Variants in PRKCE observed in about 807,000 individuals in gnomAD.
The protein encoded by PRKCE is protein kinase C epsilon type.
PRKCE carries 16 observed loss-of-function variants against 85.4 expected under a neutral mutation model. The ratio of observed to expected loss-of-function variants is 0.19; its 90% CI spans 0.13 to 0.28. The LOEUF (loss-of-function observed/expected upper bound fraction) is 0.28. Among genes scored for constraint, PRKCE ranks in the 10% least tolerant of loss-of-function variants. The probability of loss-of-function intolerance (pLI) is 1.00; values close to 1 mark genes in which losing one functional copy is unlikely to be tolerated. For missense variants in PRKCE, 573 were observed against 975.2 expected (o/e 0.59, Z 5.49); for synonymous variants, 388 against 371.5 (o/e 1.04, Z -0.51).
chr2:46,092,478 C>G (rs1274770569), intron 11 of PRKCE, among the ~76,000 whole-genome samples: 1 of 152,140 alleles, frequency 6.6e-6, no homozygotes, highest in Non-Finnish European at 1.5e-5. Flanking sequence ...CTTGGCCAAG[C>G]CTAGATTCTT....
At chr2:45,807,803 C>T (rs139697318) in intron 1 of PRKCE, among the ~76,000 whole-genome samples, 190 of 152,220 alleles carry the variant, frequency 1.2e-3, no homozygotes, top group Non-Finnish European at 2.0e-3. Flanking sequence ...CTCTGCTTTA[C>T]CAAGCCCTCC....
chr2:45,859,964 G>A (rs569523400), intron 2 of PRKCE, among the ~76,000 whole-genome samples: 5 of 152,122 alleles, frequency 3.3e-5, no homozygotes, highest in East Asian at 1.9e-4. Flanking sequence ...TCTTTCTATC[G>A]TCCTACTGCC....
intron 11 of PRKCE, among the ~76,000 whole-genome samples, chr2:46,118,425 T>C (rs1672983855): frequency 6.6e-6 from 1 of 152,142 alleles, no homozygotes; most frequent in Non-Finnish European, 1.5e-5. Flanking sequence ...AAAAAGAAAA[T>C]AGCTACTGGT....
chr2:45,836,333 T>G (rs1392667222), intron 1 of PRKCE, among the ~76,000 whole-genome samples: 2 of 152,218 alleles, frequency 1.3e-5, no homozygotes, highest in Non-Finnish European at 2.9e-5. Context: ...CTTGAACATA[T>G]TTGATTACAT....
chr2:45,678,395 A>G (rs1169031627), intron 1 of PRKCE, among the ~76,000 whole-genome samples: 1 of 152,226 alleles, frequency 6.6e-6, no homozygotes, highest in East Asian at 1.9e-4. Flanking sequence ...GGTTTAAAAA[A>G]TTTCTCCAAT....
rs1705610220 is a variant in PRKCE, at chr2:46,010,828, C to T, written c.1437+311C>T. 28 of 1,553,468 alleles carry T rather than the reference C, an allele frequency of 1.8e-5. No individual in the cohort carries two copies. The South Asian group carries it at 3.2e-4, about 17-fold the overall frequency. On this transcript the variant is annotated intron_variant, in intron 10 of 14. Coordinates refer to ENST00000306156, the MANE Select transcript of PRKCE (RefSeq NM_005400.3). ...CCAACAAGTGTGGTTAGTCCTTGCT[C>T]TGCTCCTAACTTTCTATCACTAATC...
intron 1 of PRKCE, among the ~76,000 whole-genome samples, chr2:45,818,679 G>T (rs969150323): frequency 1.3e-5 from 2 of 152,226 alleles, no homozygotes; most frequent in Non-Finnish European, 1.5e-5. Context: ...ACTCAAAGGA[G>T]CCTCTGGCTT....
chr2:45,761,202 C>T (rs985860220), intron 1 of PRKCE, among the ~76,000 whole-genome samples: 1 of 151,862 alleles, frequency 6.6e-6, no homozygotes, highest in East Asian at 1.9e-4. Flanking sequence ...TGGTGGGCGC[C>T]TGTGGTCTCA....
At chr2:46,072,916 T>C (rs1028618248) in intron 10 of PRKCE, among the ~76,000 whole-genome samples, 2 of 152,322 alleles carry the variant, frequency 1.3e-5, no homozygotes, top group South Asian at 2.1e-4. Flanking sequence ...CAAATGTTCA[T>C]GTTAGAAGGC....
intron 13 of PRKCE, among the ~76,000 whole-genome samples, chr2:46,152,310 T>C (rs1167315629): frequency 6.6e-6 from 1 of 151,646 alleles, no homozygotes; most frequent in African/African-American, 2.4e-5. Flanking sequence ...GCCTCCTGAG[T>C]AGCTGGGATT....
intron 9 of PRKCE, among the ~76,000 whole-genome samples, chr2:46,008,455 C>T (rs1286199141): frequency 6.6e-6 from 1 of 152,184 alleles, no homozygotes; most frequent in Non-Finnish European, 1.5e-5. Context: ...TGATTGTTCC[C>T]TGGTTCTGTT....
chr2:45,773,469 GA>G (rs1420685154), intron 1 of PRKCE, among the ~76,000 whole-genome samples: 1 of 152,206 alleles, frequency 6.6e-6, no homozygotes, highest in Non-Finnish European at 1.5e-5. Flanking sequence ...TGCAGACGAA[GA>G]AGCCAAAGCT....
chr2:46,069,246 C>T (rs1361523751), intron 10 of PRKCE, among the ~76,000 whole-genome samples: 1 of 152,154 alleles, frequency 6.6e-6, no homozygotes, highest in African/African-American at 2.4e-5. Context: ...TGTTGCTCAC[C>T]ACCTGGAAAG....
chr2:45,658,827 T>C (rs1675501577), intron 1 of PRKCE, among the ~76,000 whole-genome samples: 1 of 152,240 alleles, frequency 6.6e-6, no homozygotes, highest in Non-Finnish European at 1.5e-5. Context: ...TTACATACTC[T>C]AAAAATAAAT....
chr2:46,006,530 C>A (rs867499624), intron 8 of PRKCE, among the ~76,000 whole-genome samples: 1 of 152,234 alleles, frequency 6.6e-6, no homozygotes, highest in African/African-American at 2.4e-5. Context: ...TTCTGTCACT[C>A]ATGCCTAATT....
intron 10 of PRKCE, among the ~76,000 whole-genome samples, chr2:46,072,076 C>A (rs545604889): frequency 9.2e-5 from 14 of 152,192 alleles, no homozygotes; most frequent in African/African-American, 3.1e-4. Context: ...TTTATCTCAC[C>A]ACACTGCTCA....
At chr2:45,944,810 T>C (rs1700133050) in intron 2 of PRKCE, among the ~76,000 whole-genome samples, 1 of 151,904 alleles carries the variant, frequency 6.6e-6, no homozygotes, top group Non-Finnish European at 1.5e-5. Flanking sequence ...CAATCCTCAA[T>C]TTAAAAACAA....
chr2:46,131,947 T>A (rs1485310865), intron 11 of PRKCE, among the ~76,000 whole-genome samples: 1 of 152,202 alleles, frequency 6.6e-6, no homozygotes, highest in Non-Finnish European at 1.5e-5. Flanking sequence ...TGGAAAGTCT[T>A]TTCTCAAAAG....
At position 46,154,457 on chromosome 2, in the gene PRKCE, AC is replaced by A. The variant is rs1278411871; in HGVS notation, c.1920+3236del. 1.4e-3 allele frequency among the ~76,000 whole-genome samples: 91 copies of A among 67,274 alleles called. 1 individual carries two copies. The East Asian group carries it at 0.032, about 23-fold the overall frequency. The allele number at this position is 67,274 out of a possible 152,430, so 44.1% of individuals were successfully genotyped here. A position where few individuals can be genotyped will look rare whatever the true frequency, so the allele number is the denominator to read the frequency against. On this transcript the variant is annotated intron_variant, in intron 13 of 14. Coordinates refer to ENST00000306156, the MANE Select transcript of PRKCE (RefSeq NM_005400.3). ...CTCACGGCCCTCCCCACCCCGCCCC[AC>A]CCCCCCCAACCCCCCCGCCCGCCGC...
Sources: gnomAD v4.1 joint callset for allele counts (sites outside exome capture counted in the v4.1 genomes callset) on GRCh38, gnomAD v4.1.1 for gene constraint, MANE v1.5 for transcripts, NCBI Gene and HGNC (gene_info 2026-07-23, HGNC 2026-07-21) for gene names.